The following CAST variants were observed in gnomAD, a reference collection of about 807,000 sequenced individuals.
The protein encoded by CAST is calpastatin.
In CAST, 76 loss-of-function variants were observed where a neutral mutation model predicts 119.6. The observed-to-expected ratio is 0.64, with a 90% CI of 0.53 to 0.77. The LOEUF is 0.77. CAST is among the 30% of genes least tolerant of loss of function. The pLI is 0.00. For synonymous variants in CAST, 319 were observed against 331.6 expected (o/e 0.96, Z 0.41); for missense variants, 953 against 946.5 (o/e 1.01, Z -0.09).
chr5:96,528,731 A>C (rs945211885), upstream of CAST, among the ~76,000 whole-genome samples: 3 of 152,256 alleles, frequency 2.0e-5, no homozygotes, highest in African/African-American at 7.2e-5. Context: ...GTAAGACATT[A>C]GCTAATAGCA....
chr5:96,365,411 GT>G, the CAST span, among the ~76,000 whole-genome samples: 1 of 152,192 alleles, frequency 6.6e-6, no homozygotes, highest in Non-Finnish European at 1.5e-5. Flanking sequence ...TCTGTCTAAT[GT>G]TGACAGTGGC....
chr5:96,323,222 G>C, the CAST span, among the ~76,000 whole-genome samples: 2 of 152,178 alleles, frequency 1.3e-5, no homozygotes, highest in Non-Finnish European at 2.9e-5. Flanking sequence ...TCTGTCACTT[G>C]TCTCTGTGTA....
chr5:96,293,493 G>T, the CAST span, among the ~76,000 whole-genome samples: 1 of 151,946 alleles, frequency 6.6e-6, no homozygotes, highest in African/African-American at 2.4e-5. Context: ...TGTCAGGCTG[G>T]TCTTGAACTC....
the CAST span, among the ~76,000 whole-genome samples, chr5:96,325,000 T>G: frequency 1.3e-5 from 2 of 151,712 alleles, no homozygotes; most frequent in Admixed American, 1.3e-4. Context: ...AGCTCAGGAG[T>G]TCAAGACTAG....
the CAST span, among the ~76,000 whole-genome samples, chr5:96,379,396 T>C: frequency 1.3e-5 from 2 of 152,220 alleles, no homozygotes; most frequent in East Asian, 1.9e-4. Context: ...TCCATTCACA[T>C]TGGGAAAACG....
chr5:96,303,261 C>T, the CAST span, among the ~76,000 whole-genome samples: 4 of 152,278 alleles, frequency 2.6e-5, no homozygotes, highest in South Asian at 8.3e-4. Context: ...AGTCTGCCCC[C>T]ATGATCCAGT....
At chr5:96,609,835 G>A (rs958836518) in intron 1 of CAST, among the ~76,000 whole-genome samples, 1 of 129,896 alleles carries the variant, frequency 7.7e-6, no homozygotes, top group Non-Finnish European at 1.8e-5. Context: ...ACTCAGGGGG[G>A]CATTTTTTAA....
At chr5:96,054,101 C>T in the CAST span, among the ~76,000 whole-genome samples, 1 of 152,002 alleles carries the variant, frequency 6.6e-6, no homozygotes, top group African/African-American at 2.4e-5. Context: ...TTGTTTTTTC[C>T]ATTCCAAAGC....
At chr5:96,110,439 A>G in the CAST span, among the ~76,000 whole-genome samples, 1 of 152,158 alleles carries the variant, frequency 6.6e-6, no homozygotes, top group Admixed American at 6.5e-5. Flanking sequence ...TATATAAATT[A>G]CCTCTCAAAC....
chr5:96,616,744 C>CTCTCTA (rs796241546), intron 1 of CAST, among the ~76,000 whole-genome samples: 27 of 123,080 alleles, frequency 2.2e-4, no homozygotes, highest in African/African-American at 8.7e-4. Flanking sequence ...CTCTCTCTCT[C>CTCTCTA]TATATATATA....
chr5:96,321,426 GAC>G, the CAST span, among the ~76,000 whole-genome samples: 1 of 152,206 alleles, frequency 6.6e-6, no homozygotes, highest in East Asian at 1.9e-4. Flanking sequence ...TGCATATTCT[GAC>G]ACATTAATAC....
the CAST span, among the ~76,000 whole-genome samples, chr5:96,020,007 A>AT: frequency 6.6e-6 from 1 of 152,120 alleles, no homozygotes; most frequent in Non-Finnish European, 1.5e-5. Context: ...TGTACAATTC[A>AT]TTTTTTTCTA....
At chr5:95,967,471 C>T in the CAST span, among the ~76,000 whole-genome samples, 1 of 148,846 alleles carries the variant, frequency 6.7e-6, no homozygotes, top group Non-Finnish European at 1.5e-5. Flanking sequence ...TGTGGTTTGG[C>T]TGTGTCCACA....
chr5:96,460,318 T>C, the CAST span, among the ~76,000 whole-genome samples: 1 of 151,632 alleles, frequency 6.6e-6, no homozygotes, highest in Non-Finnish European at 1.5e-5. Context: ...GAGAATATGA[T>C]TAGAAAAGAA....
At chr5:96,335,427 T>A in the CAST span, among the ~76,000 whole-genome samples, 10 of 152,214 alleles carry the variant, frequency 6.6e-5, no homozygotes, top group African/African-American at 2.4e-4. Context: ...ATGATAGTCA[T>A]ATTATATTCT....
At chr5:96,475,760 C>T in the CAST span, among the ~76,000 whole-genome samples, 4 of 152,146 alleles carry the variant, frequency 2.6e-5, no homozygotes, top group African/African-American at 9.7e-5. Flanking sequence ...TAAGAGGCTG[C>T]TACAAAAGAG....
chr5:96,580,416 C>T (rs1458707591), intron 1 of CAST, among the ~76,000 whole-genome samples: 3 of 152,188 alleles, frequency 2.0e-5, no homozygotes, highest in Non-Finnish European at 4.4e-5. Context: ...TAGAGAACTT[C>T]GTTACTATGA....
chr5:96,361,643 C>A, the CAST span, among the ~76,000 whole-genome samples: 1 of 152,064 alleles, frequency 6.6e-6, no homozygotes, highest in Non-Finnish European at 1.5e-5. Flanking sequence ...TGCTTCAGCT[C>A]ACCTTCCGTG....
chr5:96,144,795 G>A, the CAST span, among the ~76,000 whole-genome samples: 1 of 151,862 alleles, frequency 6.6e-6, no homozygotes, highest in African/African-American at 2.4e-5. Flanking sequence ...TCCTGCCTCA[G>A]CCTCCTGAGT....
Sources: gnomAD v4.1 joint callset for allele counts (sites outside exome capture counted in the v4.1 genomes callset) on GRCh38, gnomAD v4.1.1 for gene constraint, MANE v1.5 for transcripts, NCBI Gene and HGNC (gene_info 2026-07-23, HGNC 2026-07-21) for gene names.